AMMECR1: variants seen among roughly 807,000 people sequenced by gnomAD.
AMMECR1 encodes the protein AMMECR nuclear protein 1, also known as nuclear protein AMMECR1.
AMMECR1 carries 3 observed loss-of-function variants against 22.5 expected under a neutral mutation model. That is an observed-to-expected ratio of 0.13 (90% CI 0.06 to 0.35). The LOEUF (loss-of-function observed/expected upper bound fraction) is 0.35, where lower values mean the gene tolerates loss of function less well. Among genes scored for constraint, AMMECR1 ranks in the 10% least tolerant of loss-of-function variants. The pLI, the probability that AMMECR1 is intolerant of heterozygous loss-of-function variation, is 1.00. For synonymous variants in AMMECR1, 130 were observed against 116.7 expected (o/e 1.11, Z -0.74); for missense variants, 235 against 278.7 (o/e 0.84, Z 1.12).
chrX:110,423,342 G>A (rs866998624), intron 2 of AMMECR1, among the ~76,000 whole-genome samples: 2 of 107,230 alleles, frequency 1.9e-5, no homozygotes, highest in African/African-American at 6.9e-5. Context: ...AAAAAAAAAA[G>A]AAAAAGAAAA....
intron 2 of AMMECR1, among the ~76,000 whole-genome samples, chrX:110,350,932 C>T (rs1200789997): frequency 9.0e-6 from 1 of 111,037 alleles, no homozygotes; most frequent in East Asian, 2.8e-4. Context: ...ATGATTGCAC[C>T]ACTACATTCC....
intron 2 of AMMECR1, among the ~76,000 whole-genome samples, chrX:110,426,403 C>G (rs1186258588): frequency 9.0e-6 from 1 of 111,684 alleles, no homozygotes; most frequent in Non-Finnish European, 1.9e-5. Context: ...AGTCTGCTTG[C>G]CCACGGAGGA....
chrX:110,325,687 C>G (rs1366959045), intron 2 of AMMECR1, among the ~76,000 whole-genome samples: 1 of 111,707 alleles, frequency 9.0e-6, no homozygotes, highest in Non-Finnish European at 1.9e-5. Context: ...CTTTTTTTGT[C>G]TAACTAAAGA....
intron 1 of AMMECR1, among the ~76,000 whole-genome samples, chrX:110,284,854 T>C (rs1386998417): frequency 4.5e-5 from 5 of 111,952 alleles, no homozygotes; most frequent in African/African-American, 9.7e-5. Flanking sequence ...TCTCCCAAGG[T>C]AGTCATCACC....
At chrX:110,275,053 T>A (rs2067818954) in intron 1 of AMMECR1, among the ~76,000 whole-genome samples, 1 of 111,858 alleles carries the variant, frequency 8.9e-6, no homozygotes, top group Admixed American at 9.5e-5. Context: ...CATATAATCC[T>A]ATAATAGATT....
chrX:110,344,663 C>T, intron 2 of AMMECR1, among the ~76,000 whole-genome samples: 1 of 111,279 alleles, frequency 9.0e-6, no homozygotes, highest in Admixed American at 9.5e-5. Context: ...AAACAAACAA[C>T]CCCATCAAAA....
chrX:110,198,712 T>C (rs1253986897), intron 5 of AMMECR1, 78 bp from the exon 6 acceptor site: 3 of 699,863 alleles, frequency 4.3e-6, no homozygotes, highest in Non-Finnish European at 4.5e-6. Flanking sequence ...GGAAGGACCT[T>C]AAAGATAATT....
chrX:110,222,520 G>A (rs1226478684), intron 2 of AMMECR1, among the ~76,000 whole-genome samples: 1 of 94,873 alleles, frequency 1.1e-5, no homozygotes, highest in African/African-American at 3.9e-5. Context: ...TGGGTGCAGT[G>A]CACCAGCATG....
At chrX:110,207,972 A>C (rs1157640832) in intron 3 of AMMECR1, among the ~76,000 whole-genome samples, 1 of 111,568 alleles carries the variant, frequency 9.0e-6, no homozygotes, top group Non-Finnish European at 1.9e-5. Flanking sequence ...CTGTCTCTAA[A>C]AAACAAACAA....
At chrX:110,229,829 G>C (rs1234342000) in intron 2 of AMMECR1, among the ~76,000 whole-genome samples, 1 of 112,579 alleles carries the variant, frequency 8.9e-6, no homozygotes, top group South Asian at 3.7e-4. Flanking sequence ...CAAGGTCTTA[G>C]CAACCGGCAG....
At chrX:110,235,033 G>A (rs1026841504) in intron 2 of AMMECR1, among the ~76,000 whole-genome samples, 1 of 112,145 alleles carries the variant, frequency 8.9e-6, no homozygotes, top group African/African-American at 3.2e-5. Flanking sequence ...TGGCATCAGC[G>A]TGAACAGGCA....
chrX:110,386,214 T>C (rs2068453867), intron 2 of AMMECR1, among the ~76,000 whole-genome samples: 1 of 111,395 alleles, frequency 9.0e-6, no homozygotes, highest in Non-Finnish European at 1.9e-5. Context: ...CAAACTATTT[T>C]CCAAAGAGCC....
chrX:110,389,269 C>A (rs1187643523), intron 2 of AMMECR1, among the ~76,000 whole-genome samples: 1 of 112,575 alleles, frequency 8.9e-6, no homozygotes, highest in Non-Finnish European at 1.9e-5. Flanking sequence ...GACCAAAGAT[C>A]CTTCGTTAAC....
chrX:110,358,376 G>A (rs944287315), intron 2 of AMMECR1, among the ~76,000 whole-genome samples: 6 of 111,436 alleles, frequency 5.4e-5, no homozygotes, highest in Admixed American at 9.6e-5. Context: ...TGGGAAAATC[G>A]AGACCCATAA....
intron 1 of AMMECR1, among the ~76,000 whole-genome samples, chrX:110,280,240 G>A (rs1368976957): frequency 9.0e-6 from 1 of 111,215 alleles, no homozygotes; most frequent in Non-Finnish European, 1.9e-5. Flanking sequence ...TTGGACCCAG[G>A]CATTGTGGCT....
At chrX:110,377,554 G>A (rs1398090625) in intron 2 of AMMECR1, among the ~76,000 whole-genome samples, 3 of 111,610 alleles carry the variant, frequency 2.7e-5, no homozygotes, top group Non-Finnish European at 5.6e-5. Flanking sequence ...ACTATTCCCC[G>A]CCCATGTCCA....
chrX:110,427,503 A>G (rs2068762648), intron 1 of AMMECR1, among the ~76,000 whole-genome samples: 1 of 112,045 alleles, frequency 8.9e-6, no homozygotes, highest in African/African-American at 3.3e-5. Context: ...AAATTTGAGA[A>G]CTGGCACCCT....
rs763207969 is a variant in AMMECR1 at position 110,317,829 on chromosome X, CCCG to C, written c.240_242del (p.Gly82del). On this transcript the variant is annotated inframe_deletion, in exon 1 of 6. Transcript: ENST00000262844. ...TCGGAGGTGGCGACAGGGCGATCCC[CCCG>C]CCGCCGCCGCCGCAGCCCTGGGGGG... 2.3e-4 allele frequency: 260 copies of C among 1,136,956 alleles called. No homozygotes were observed. Among genetic ancestry groups the C allele is most frequent in the Admixed American group, 1.0e-3 (39 of 37,765 alleles). The allele number at this position is 1,136,956 out of a possible 1,213,427, so 93.7% of individuals were successfully genotyped here. A position where few individuals can be genotyped will look rare whatever the true frequency, so the allele number is the denominator to read the frequency against.
At chrX:110,262,346 A>G (rs765453471) in intron 2 of AMMECR1, among the ~76,000 whole-genome samples, 1 of 112,164 alleles carries the variant, frequency 8.9e-6, no homozygotes, top group Non-Finnish European at 1.9e-5. Flanking sequence ...ATACACACGC[A>G]CACACACACG....
Sources: gnomAD v4.1 joint callset for allele counts (sites outside exome capture counted in the v4.1 genomes callset) on GRCh38, gnomAD v4.1.1 for gene constraint, MANE v1.5 for transcripts, NCBI Gene and HGNC (gene_info 2026-07-23, HGNC 2026-07-21) for gene names.